Variants in ATRNL1 observed in about 807,000 individuals in gnomAD.
The protein encoded by ATRNL1 is attractin-like protein 1.
ATRNL1 carries 95 observed loss-of-function variants against 182.7 expected under a neutral mutation model. That is an observed-to-expected ratio of 0.52 (90% confidence interval 0.44 to 0.62). ATRNL1 has a LOEUF of 0.62. ATRNL1 is among the 20% of genes least tolerant of loss of function. The probability of loss-of-function intolerance (pLI) is 0.00; values close to 1 mark genes in which losing one functional copy is unlikely to be tolerated. For missense variants in ATRNL1, 1,471 were observed against 1,679.5 expected (o/e 0.88, Z 2.17); for synonymous variants, 576 against 568.3 (o/e 1.01, Z -0.19).
intron 24 of ATRNL1, among the ~76,000 whole-genome samples, chr10:115,486,019 C>G (rs1415272139): frequency 1.3e-5 from 2 of 150,538 alleles, no homozygotes; most frequent in Admixed American, 1.3e-4. Flanking sequence ...TCTTGTGTTG[C>G]TTTCCTGAGA....
intron 8 of ATRNL1, among the ~76,000 whole-genome samples, chr10:115,178,161 C>T (rs911562624): frequency 1.3e-5 from 2 of 151,850 alleles, no homozygotes; most frequent in African/African-American, 2.4e-5. Flanking sequence ...CTGCCTTCTT[C>T]GACCTCCCAA....
chr10:115,679,497 C>T (rs1411210647), intron 26 of ATRNL1, among the ~76,000 whole-genome samples: 1 of 151,984 alleles, frequency 6.6e-6, no homozygotes, highest in Non-Finnish European at 1.5e-5. Flanking sequence ...TCTCCGCATA[C>T]TTCACTCTCT....
At chr10:115,614,065 T>G (rs1857306419) in intron 26 of ATRNL1, among the ~76,000 whole-genome samples, 1 of 151,978 alleles carries the variant, frequency 6.6e-6, no homozygotes, top group African/African-American at 2.4e-5. Context: ...TTTATACTAA[T>G]TTTCTGTTTG....
At chr10:115,799,536 G>A (rs751439780) in intron 27 of ATRNL1, among the ~76,000 whole-genome samples, 3 of 152,206 alleles carry the variant, frequency 2.0e-5, no homozygotes, top group Non-Finnish European at 2.9e-5. Flanking sequence ...ACCAATTAAC[G>A]AAGAGATTCC....
intron 20 of ATRNL1, among the ~76,000 whole-genome samples, chr10:115,409,772 A>G (rs678664): frequency 0.37 from 56,159 of 152,038 alleles, 11,272 homozygotes; most frequent in African/African-American, 0.53. Flanking sequence ...CTATAGGCTA[A>G]TATCCCTGAT....
intron 28 of ATRNL1, among the ~76,000 whole-genome samples, chr10:115,869,453 A>G (rs1156384850): frequency 6.6e-6 from 1 of 152,138 alleles, no homozygotes; most frequent in Non-Finnish European, 1.5e-5. Flanking sequence ...CTGTGAGTGC[A>G]TGCCTGCATG....
intron 9 of ATRNL1, among the ~76,000 whole-genome samples, chr10:115,222,712 G>A (rs564995702): frequency 3.9e-5 from 6 of 152,224 alleles, no homozygotes; most frequent in East Asian, 3.9e-4. Flanking sequence ...TCTTAAAAAT[G>A]TAAGCAAAAT....
chr10:115,330,770 T>C lies in ATRNL1; in HGVS notation c.3038-3512T>C, dbSNP rs548837532. Among the ~76,000 whole-genome samples the C allele has an allele frequency of 7.9e-5, 12 of 151,970 alleles. No individual in the cohort carries two copies. The South Asian group carries it at 2.3e-3, about 29-fold the overall frequency. ...ATGTCTTAGGGTTATCTTATTTGGA[T>C]TGAATCTGTTTTGTTACCTTTCACC... is the stretch of plus-strand genomic sequence containing the variant. On this transcript the variant is annotated intron_variant, in intron 18 of 28. Coordinates refer to ENST00000355044, the MANE Select transcript of ATRNL1 (RefSeq NM_207303.4).
rs534427001 is a variant in ATRNL1, at chr10:115,820,708, G to A, written c.3904-27169G>A. On this transcript the variant is annotated intron_variant, in intron 27 of 28. Coordinates refer to ENST00000355044, the MANE Select transcript of ATRNL1 (RefSeq NM_207303.4). Reference sequence around the variant, plus strand: ...CTCATCTGAGAGGCGGTACAAAGTCGTGGTAAAGAGTGCATGCTCTGAAGT... The same window carrying A: ...CTCATCTGAGAGGCGGTACAAAGTCATGGTAAAGAGTGCATGCTCTGAAGT... Among the ~76,000 whole-genome samples the A allele has an allele frequency of 6.6e-5, 10 of 152,104 alleles. No homozygotes were observed. In the East Asian group the frequency reaches 1.2e-3, roughly 18 times the overall value.
At chr10:115,932,951 C>T (rs1164492989) in intron 28 of ATRNL1, among the ~76,000 whole-genome samples, 5 of 148,178 alleles carry the variant, frequency 3.4e-5, no homozygotes, top group East Asian at 1.9e-4. Context: ...TGACTTAAAA[C>T]GGTAAGATAA....
intron 26 of ATRNL1, among the ~76,000 whole-genome samples, chr10:115,598,333 A>C (rs1032330267): frequency 6.8e-6 from 1 of 147,830 alleles, no homozygotes; most frequent in Non-Finnish European, 1.5e-5. Flanking sequence ...AACATTTTAC[A>C]TTATTTATTT....
chr10:115,786,413 G>T (rs1253663966), intron 27 of ATRNL1, among the ~76,000 whole-genome samples: 1 of 152,094 alleles, frequency 6.6e-6, no homozygotes, highest in Non-Finnish European at 1.5e-5. Flanking sequence ...TCCTTGGAAG[G>T]TTCTAGGAAG....
chr10:115,232,031 T>C (rs1416800880), intron 9 of ATRNL1, among the ~76,000 whole-genome samples: 1 of 152,198 alleles, frequency 6.6e-6, no homozygotes, highest in African/African-American at 2.4e-5. Flanking sequence ...TGTGGATGCA[T>C]ACTGGAATTG....
At chr10:115,361,810 A>C (rs1237069300) in intron 19 of ATRNL1, among the ~76,000 whole-genome samples, 1 of 151,990 alleles carries the variant, frequency 6.6e-6, no homozygotes, top group African/African-American at 2.4e-5. Context: ...TTATAACTTA[A>C]ATTTTTGAAA....
intron 10 of ATRNL1, among the ~76,000 whole-genome samples, chr10:115,258,344 C>T (rs373630081): frequency 8.6e-5 from 13 of 152,008 alleles, no homozygotes; most frequent in Admixed American, 2.0e-4. Flanking sequence ...TTTTTCTTCT[C>T]GCTTTATTTC....
At chr10:115,133,849 C>T (rs1408179932) in intron 5 of ATRNL1, among the ~76,000 whole-genome samples, 2 of 152,186 alleles carry the variant, frequency 1.3e-5, no homozygotes, top group South Asian at 2.1e-4. Context: ...CAAGCTGTCT[C>T]TCAGACCACA....
At chr10:115,719,088 T>G (rs919726011) in intron 26 of ATRNL1, among the ~76,000 whole-genome samples, 1 of 152,222 alleles carries the variant, frequency 6.6e-6, no homozygotes, top group Non-Finnish European at 1.5e-5. Flanking sequence ...AGGCTTTTAT[T>G]TTTTAAAAAC....
At chr10:115,215,580 A>G (rs1554895994) in intron 8 of ATRNL1, 117 bp from the exon 9 acceptor site, 27 of 792,162 alleles carry the variant, frequency 3.4e-5, no homozygotes, top group Admixed American at 6.9e-5. Flanking sequence ...TATTAGATAT[A>G]CAATGTTTAC....
At chr10:115,302,180 C>A (rs1424737696) in intron 17 of ATRNL1, 137 bp downstream of exon 17, 1 of 782,464 alleles carries the variant, frequency 1.3e-6, no homozygotes, top group Non-Finnish European at 2.0e-6. Flanking sequence ...TTGAAACCAA[C>A]TGGTACTGTT....
Sources: gnomAD v4.1 joint callset for allele counts (sites outside exome capture counted in the v4.1 genomes callset) on GRCh38, gnomAD v4.1.1 for gene constraint, MANE v1.5 for transcripts, NCBI Gene and HGNC (gene_info 2026-07-23, HGNC 2026-07-21) for gene names.